ELP1: variants seen among roughly 807,000 people sequenced by gnomAD.
ELP1 encodes elongator acetyltransferase complex subunit 1, also known as elongator complex protein 1.
In ELP1, 131 loss-of-function variants were observed where a neutral mutation model predicts 183.2. The observed-to-expected ratio is 0.72, with a 90% CI of 0.62 to 0.83. ELP1 has a LOEUF of 0.83. Ranked by LOEUF, ELP1 falls within the 40% of genes least tolerant of loss-of-function variation. The probability of loss-of-function intolerance (pLI) is 0.00; values close to 1 mark genes in which losing one functional copy is unlikely to be tolerated. For missense variants in ELP1, 1,550 were observed against 1,594.9 expected (o/e 0.97, Z 0.48); for synonymous variants, 555 against 569.0 (o/e 0.98, Z 0.35).
rs1827653235 is a variant in ELP1, at chr9:108,875,042, ATCCC to A, written c.3856-76_3856-73del. 3 of 980,878 alleles carry A rather than the reference ATCCC, an allele frequency of 3.1e-6. No homozygotes were observed. In the East Asian group the frequency reaches 7.2e-5, roughly 23 times the overall value. 60.8% of individuals were successfully genotyped at this position (980,878 alleles called of 1,614,324 possible). On this transcript the variant is annotated intron_variant, in intron 35 of 36. Transcript: ENST00000374647. ...CAAGACTGCCAATACCAAAGGCCAA[ATCCC>A]TACCCCCAGAAAACAGCCTGTCATT...
Position 108,869,169 on chromosome 9 carries a change from A to G in ELP1, c.3945T>C (p.Phe1315=). The G allele has an allele frequency of 6.2e-7, 1 of 1,614,098 alleles. No homozygotes were observed. Among genetic ancestry groups the G allele is most frequent in the Non-Finnish European group, 8.5e-7 (1 of 1,179,936 alleles). ...TTCTTCTGTTGATCTTTGGTGGTAT[A>G]AAAAGCTCAGCATCTAAAAGCAAGA... ...TSVPVLDAEL[F]IPPKINRRTQ... The change falls in exon 37 of 37, where the codon TTT becomes TTC. Residue 1315 remains phenylalanine (F), a synonymous_variant. Coordinates refer to ENST00000374647, the MANE Select transcript of ELP1 (RefSeq NM_003640.5).
chr9:108,917,442 G>C (rs1829479269), intron 9 of ELP1, 105 bp downstream of exon 9: 2 of 1,199,990 alleles, frequency 1.7e-6, no homozygotes, highest in African/African-American at 3.1e-5. Context: ...ACTCCAACCT[G>C]GGCAACAAGA....
chr9:108,923,525 T>G lies in ELP1; in HGVS notation c.467-598A>C, dbSNP rs562635499. ...ACAAGTCAGCGATCTCACCCTCACCTTATAAGTAAGAAGAATGAAACATAA... is the reference window on the plus strand; with the variant it reads ...ACAAGTCAGCGATCTCACCCTCACCGTATAAGTAAGAAGAATGAAACATAA... On this transcript the variant is annotated intron_variant, in intron 5 of 36. Coordinates refer to ENST00000374647, the MANE Select transcript of ELP1 (RefSeq NM_003640.5). 2.6e-5 allele frequency among the ~76,000 whole-genome samples: 4 copies of G among 152,302 alleles called. No homozygotes were observed. In the South Asian group the frequency reaches 8.3e-4, roughly 32 times the overall value.
chr9:108,922,914 A>C lies in ELP1; in HGVS notation c.480T>G (p.Thr160=). 1 of 1,613,768 alleles carries C rather than the reference A, an allele frequency of 6.2e-7. No individual in the cohort carries two copies. The highest frequency in any genetic ancestry group is 8.5e-7 in the Non-Finnish European group (1 of 1,179,636). ...GTGTCTCCTTCCTACCCCATCCAAC[A>C]GTGATAAACTTGCCTACAGAACAAT... ...QDDFGESKFI[T]VGWGRKETQF... is the part of the protein sequence containing the mutation. The change falls in exon 6 of 37, where the codon ACT becomes ACG. Residue 160 remains threonine, a synonymous_variant. Coordinates refer to ENST00000374647, the MANE Select transcript of ELP1 (RefSeq NM_003640.5).
At chr9:108,897,482 G>A (rs1408268605) in intron 22 of ELP1, among the ~76,000 whole-genome samples, 197 bp from the exon 23 acceptor site, 1 of 152,188 alleles carries the variant, frequency 6.6e-6, no homozygotes, top group Non-Finnish European at 1.5e-5. Flanking sequence ...AGTCACATTA[G>A]CCCCAAACAG....
Position 108,922,627 on chromosome 9 carries a change from C to T in ELP1, c.552+215G>A, listed in dbSNP as rs142701683. Among the ~76,000 whole-genome samples the T allele has an allele frequency of 4.4e-3, 664 of 152,076 alleles. 8 individuals carry two copies. Among genetic ancestry groups the T allele is most frequent in the African/African-American group, 0.015 (633 of 41,456 alleles). ...GATGAATATTGGTTATAATTATTTG[C>T]TACTATGAAAATAAATCACAAAGCA... On this transcript the variant is annotated intron_variant, in intron 6 of 36. Coordinates refer to ENST00000374647, the MANE Select transcript of ELP1 (RefSeq NM_003640.5).
intron 22 of ELP1, among the ~76,000 whole-genome samples, chr9:108,898,004 T>C (rs112156400): frequency 0.012 from 1,804 of 152,332 alleles, 15 homozygotes; most frequent in Non-Finnish European, 0.018. Flanking sequence ...AGTGGACTGA[T>C]GTCTACAACT....
In ELP1 at chr9:108,868,705, G is replaced by A; in HGVS notation, c.*410C>T. ...AGAAGCTATTTAAGTGATTACATTT[G>A]ACCAAATGTAGCACTAATAGCCATT... On this transcript the variant is annotated 3_prime_UTR_variant, in exon 37 of 37. Coordinates refer to ENST00000374647, the MANE Select transcript of ELP1 (RefSeq NM_003640.5). 2.0e-6 allele frequency: 1 copy of A among 501,154 alleles called. No individual in the cohort carries two copies. The highest frequency in any genetic ancestry group is 3.5e-6 in the Non-Finnish European group (1 of 286,620). 31.0% of individuals were successfully genotyped at this position (501,154 alleles called of 1,614,324 possible). A position where few individuals can be genotyped will look rare whatever the true frequency, so the allele number is the denominator to read the frequency against.
At chr9:108,908,247 T>C in intron 13 of ELP1, 58 bp downstream of exon 13, 1 of 1,276,438 alleles carries the variant, frequency 7.8e-7, no homozygotes, top group Non-Finnish European at 1.1e-6. Flanking sequence ...ATGGCTGAAT[T>C]TAGGACTGCA....
At chr9:108,877,697 C>A (rs994288080) in intron 35 of ELP1, among the ~76,000 whole-genome samples, 1 of 152,198 alleles carries the variant, frequency 6.6e-6, no homozygotes, top group Non-Finnish European at 1.5e-5. Flanking sequence ...TCCCCCATCT[C>A]TCCCCACTCC....
At position 108,930,069 on chromosome 9, in the gene ELP1, G is replaced by A. The variant is rs968705062; in HGVS notation, c.151-148C>T. The A allele has an allele frequency of 1.2e-5, 11 of 901,288 alleles. 1 individual carries two copies. The highest frequency in any genetic ancestry group is 1.9e-5 in the Non-Finnish European group (11 of 583,962). 55.8% of individuals were successfully genotyped at this position (901,288 alleles called of 1,614,324 possible). Reference sequence around the variant, plus strand: ...TAGATGAAAATCCAAACTTTCATTTGAGAAATATCACTACTCTGTCATCTC... The same window carrying A: ...TAGATGAAAATCCAAACTTTCATTTAAGAAATATCACTACTCTGTCATCTC... On this transcript the variant is annotated intron_variant, in intron 2 of 36. Transcript: ENST00000374647.
intron 1 of ELP1, among the ~76,000 whole-genome samples, chr9:108,932,024 A>C (rs1298126171): frequency 1.3e-5 from 2 of 152,210 alleles, no homozygotes; most frequent in Non-Finnish European, 1.5e-5. Flanking sequence ...AAGGCTTATG[A>C]TTGTAAGTCC....
At chr9:108,911,979 T>C (rs1829239641) in intron 11 of ELP1, among the ~76,000 whole-genome samples, 1 of 152,112 alleles carries the variant, frequency 6.6e-6, no homozygotes, top group Non-Finnish European at 1.5e-5. Context: ...TGTACTGTTG[T>C]CATCCTCTCT....
At chr9:108,921,973 C>T (rs1240100634) in intron 6 of ELP1, among the ~76,000 whole-genome samples, 1 of 152,172 alleles carries the variant, frequency 6.6e-6, no homozygotes, top group East Asian at 1.9e-4. Context: ...ATGTTGTCCA[C>T]TTTACAGAGA....
Position 108,919,289 on chromosome 9 carries a change from G to A in ELP1, c.613C>T (p.Gln205Ter), listed in dbSNP as rs1829558343. 6.2e-7 allele frequency: 1 copy of A among 1,613,592 alleles called. No individual in the cohort carries two copies. ...CAAACAACACTCACAGCAAAAAACTGTCCATCCCCCCGCCAGGTAACTTGT... is the reference window on the plus strand; with the variant it reads ...CAAACAACACTCACAGCAAAAAACTATCCATCCCCCCGCCAGGTAACTTGT... ...RPQVTWRGDG[Q>*]FFAVSVVCPE... The change falls in exon 7 of 37, where the codon CAG becomes TAG. Residue 205 changes from glutamine to a stop codon, truncating the protein, a stop_gained. Transcript: ENST00000374647. LOFTEE classifies it high-confidence loss of function.
At chr9:108,896,856 A>T in intron 24 of ELP1, 97 bp downstream of exon 24, 1 of 1,219,700 alleles carries the variant, frequency 8.2e-7, no homozygotes, top group Non-Finnish European at 1.2e-6. Flanking sequence ...TCACATGTTA[A>T]ATCTGTGGTG....
intron 36 of ELP1, among the ~76,000 whole-genome samples, chr9:108,873,248 T>C (rs776170444): frequency 6.6e-6 from 1 of 152,244 alleles, no homozygotes; most frequent in South Asian, 2.1e-4. Flanking sequence ...ATCTGCATGA[T>C]ATTGTATTGC....
At chr9:108,891,546 C>A (rs1395381435) in intron 27 of ELP1, 142 bp from the exon 28 acceptor site, 3 of 757,512 alleles carry the variant, frequency 4.0e-6, no homozygotes, top group Non-Finnish European at 6.7e-6. Flanking sequence ...TCAGTTAGTA[C>A]AGTCATTTTT....
Position 108,908,417 on chromosome 9 carries a change from A to C in ELP1, c.1361-13T>G, listed in dbSNP as rs769449118. ...CTTGGACAATCACCTGGAAAACAAA[A>C]ATGCAAATATTATCATCGTAAATTA... is the stretch of plus-strand genomic sequence containing the variant. On this transcript the variant is annotated splice_polypyrimidine_tract_variant and intron_variant, in intron 12 of 36. Transcript: ENST00000374647. 6.3e-7 allele frequency: 1 copy of C among 1,587,860 alleles called. No individual in the cohort carries two copies. Among genetic ancestry groups the C allele is most frequent in the Non-Finnish European group, 8.6e-7 (1 of 1,156,330 alleles).
Sources: allele counts gnomAD v4.1 joint callset (sites outside exome capture counted in the v4.1 genomes callset), GRCh38; gene constraint gnomAD v4.1.1; transcripts MANE v1.5; gene names NCBI Gene and HGNC (gene_info 2026-07-23, HGNC 2026-07-21).